Variants in PBX1 observed in about 807,000 individuals in gnomAD.
The protein encoded by PBX1 is PBX homeobox 1, also known as pre-B-cell leukemia transcription factor 1.
In PBX1, 6 loss-of-function variants were observed where a neutral mutation model predicts 53.4. The ratio of observed to expected loss-of-function variants is 0.11; its 90% confidence interval spans 0.06 to 0.22. PBX1 has a LOEUF of 0.22. Ranked by LOEUF, PBX1 falls within the 10% of genes least tolerant of loss-of-function variation. The pLI is 1.00. For missense variants in PBX1, 251 were observed against 551.4 expected, an observed-to-expected ratio of 0.46 and a Z score of 5.46; for synonymous variants, 204 against 212.3, an observed-to-expected ratio of 0.96 and a Z score of 0.34.
chr1:164,635,732 T>G (rs189735396), intron 2 of PBX1, among the ~76,000 whole-genome samples: 1 of 152,386 alleles, frequency 6.6e-6, no homozygotes, highest in Admixed American at 6.5e-5. Flanking sequence ...AATTTACGTC[T>G]ATTATATTGC....
rs77513342 is a variant in PBX1 at position 164,877,988 on chromosome 1, A to G, written n.258-21200A>G. Among the ~76,000 whole-genome samples the G allele has an allele frequency of 8.1e-3, 1,232 of 152,302 alleles. 12 individuals are homozygous for G. The highest frequency in any genetic ancestry group is 0.037 in the South Asian group (178 of 4,822). On this transcript the variant is annotated intron_variant and non_coding_transcript_variant, in intron 2 of 2. Transcript: ENST00000558796. ...TTATATAAGTGGAATCCTGCACTATATACTCTTTCTTGTCTGGCTTCTTTC... is the reference window on the plus strand; with the variant it reads ...TTATATAAGTGGAATCCTGCACTATGTACTCTTTCTTGTCTGGCTTCTTTC...
At chr1:164,694,746 T>C (rs995271027) in intron 2 of PBX1, among the ~76,000 whole-genome samples, 9 of 152,242 alleles carry the variant, frequency 5.9e-5, no homozygotes, top group African/African-American at 1.9e-4. Context: ...ATTAGCCAAT[T>C]TGTGTTGATA....
chr1:164,655,455 TGCTATGGGAGTGTGGTCTG>T (rs142306738), intron 2 of PBX1, among the ~76,000 whole-genome samples: 3,868 of 152,174 alleles, frequency 0.025, 75 homozygotes, highest in East Asian at 0.053. Flanking sequence ...CAGAGCACCA[TGCTATGGGAGTGTGGTCTG>T]GCTTTGGGAG....
chr1:164,776,808 ACTTGTCATTGTACATATGG>A (rs944288450), intron 2 of PBX1, among the ~76,000 whole-genome samples: 3 of 152,084 alleles, frequency 2.0e-5, no homozygotes, highest in Non-Finnish European at 4.4e-5. Flanking sequence ...AGCTTAGTAT[ACTTGTCATTGTACATATGG>A]CTTGTCATTG....
chr1:164,683,197 T>G (rs1661892439), intron 2 of PBX1: 1 of 152,192 alleles, frequency 6.6e-6, no homozygotes, highest in Non-Finnish European at 1.5e-5. Context: ...GTGTATAGCT[T>G]TCCTTATTTC....
At position 164,849,493 on chromosome 1, in the gene PBX1, A is replaced by G. The variant is rs1339468836; in HGVS notation, c.*2817A>G. ...GCCTCTGGAAACACAGCTTCCTGGG[A>G]ATTCACATGAGGCCAGTCCTACAGA... On this transcript the variant is annotated 3_prime_UTR_variant, in exon 9 of 9. Transcript: ENST00000420696. 2.6e-6 allele frequency: 4 copies of G among 1,524,000 alleles called. No individual in the cohort carries two copies. In the East Asian group the frequency reaches 9.8e-5, roughly 37 times the overall value. 94.4% of individuals were successfully genotyped at this position (1,524,000 alleles called of 1,614,324 possible).
At chr1:164,817,571 A>G (rs994133728) in intron 6 of PBX1, 2 of 152,232 alleles carry the variant, frequency 1.3e-5, no homozygotes, top group African/African-American at 4.8e-5. Flanking sequence ...TGTTTCTTCA[A>G]TTACTGCTCT....
intron 2 of PBX1, among the ~76,000 whole-genome samples, chr1:164,567,453 C>A (rs1412667262): frequency 6.6e-6 from 1 of 151,084 alleles, no homozygotes; most frequent in Non-Finnish European, 1.5e-5. Flanking sequence ...TTTTTTTCTC[C>A]CTCCTGGTAA....
chr1:164,581,981 T>C (rs572721835), intron 2 of PBX1, among the ~76,000 whole-genome samples: 7 of 152,316 alleles, frequency 4.6e-5, no homozygotes, highest in Non-Finnish European at 8.8e-5. Context: ...TCTTATTTAT[T>C]TGTTTATTGC....
At chr1:164,565,716 C>T (rs531582721) in intron 2 of PBX1, among the ~76,000 whole-genome samples, 1 of 151,082 alleles carries the variant, frequency 6.6e-6, no homozygotes, top group Non-Finnish European at 1.5e-5. Flanking sequence ...GTTGATGGGT[C>T]GGAGGAACAA....
intron 5 of PBX1, among the ~76,000 whole-genome samples, chr1:164,810,756 C>T (rs1669568605): frequency 6.6e-6 from 1 of 152,280 alleles, no homozygotes; most frequent in Non-Finnish European, 1.5e-5. Flanking sequence ...CTTCCTCCTC[C>T]AGTTTACCTC....
intron 2 of PBX1, among the ~76,000 whole-genome samples, chr1:164,585,133 C>T (rs1271493727): frequency 6.6e-6 from 1 of 152,170 alleles, no homozygotes; most frequent in Non-Finnish European, 1.5e-5. Context: ...ATGGAATGGA[C>T]ATCTTTCTGG....
downstream of PBX1, among the ~76,000 whole-genome samples, chr1:164,856,156 C>T (rs146703502): frequency 1.5e-4 from 23 of 152,278 alleles, no homozygotes; most frequent in African/African-American, 5.3e-4. Context: ...ATTGTTGGTG[C>T]AGAGGGCAGG....
chr1:164,721,858 T>A (rs1664427503), intron 2 of PBX1, among the ~76,000 whole-genome samples: 1 of 152,172 alleles, frequency 6.6e-6, no homozygotes, highest in Non-Finnish European at 1.5e-5. Flanking sequence ...AAAATATGAA[T>A]GAGTATCTTT....
intron 2 of PBX1, among the ~76,000 whole-genome samples, chr1:164,632,744 C>T (rs902258410): frequency 6.6e-6 from 1 of 152,104 alleles, no homozygotes; most frequent in Non-Finnish European, 1.5e-5. Context: ...ACACATTGGA[C>T]ATGTGGTATT....
intron 2 of PBX1, among the ~76,000 whole-genome samples, chr1:164,675,847 G>A (rs368153771): frequency 6.6e-5 from 10 of 152,092 alleles, no homozygotes; most frequent in East Asian, 5.8e-4. Flanking sequence ...TGTTTCATCA[G>A]ACTAGGTTTT....
At chr1:164,830,691 G>T (rs749870660) in intron 8 of PBX1, among the ~76,000 whole-genome samples, 3 of 152,104 alleles carry the variant, frequency 2.0e-5, no homozygotes, top group Non-Finnish European at 2.9e-5. Flanking sequence ...AAACCCTGTA[G>T]GGCTTACATA....
At chr1:164,581,977 T>G (rs1654646185) in intron 2 of PBX1, among the ~76,000 whole-genome samples, 1 of 152,202 alleles carries the variant, frequency 6.6e-6, no homozygotes, top group Non-Finnish European at 1.5e-5. Context: ...TGTATCTTAT[T>G]TATTTGTTTA....
intron 2 of PBX1, among the ~76,000 whole-genome samples, chr1:164,596,913 A>T (rs1354406391): frequency 6.6e-6 from 1 of 151,568 alleles, no homozygotes; most frequent in African/African-American, 2.4e-5. Context: ...CTCCAGGGTC[A>T]GAGAAATTTA....
Sources: gnomAD v4.1 joint callset for allele counts (sites outside exome capture counted in the v4.1 genomes callset) on GRCh38, gnomAD v4.1.1 for gene constraint, MANE v1.5 for transcripts, NCBI Gene and HGNC (gene_info 2026-07-23, HGNC 2026-07-21) for gene names.